The following CCL17 variants were observed in gnomAD, a reference collection of about 807,000 sequenced individuals.
CCL17 encodes the protein C-C motif chemokine ligand 17.
A neutral mutation model predicts 7.4 loss-of-function variants in CCL17; 8 were observed. The observed-to-expected ratio is 1.09, with a 90% CI of 0.64 to 1.96. The LOEUF (loss-of-function observed/expected upper bound fraction) is 1.96. Among genes scored for constraint, CCL17 ranks in the 30% most tolerant of loss-of-function variants. CCL17 has a pLI of 0.00. For synonymous variants in CCL17, 40 were observed against 46.1 expected (o/e 0.87, Z 0.54); for missense variants, 102 against 113.0 (o/e 0.90, Z 0.44).
intron 1 of CCL17, among the ~76,000 whole-genome samples, chr16:57,407,172 T>C (rs1177183050): frequency 2.0e-5 from 3 of 151,996 alleles, no homozygotes; most frequent in East Asian, 1.9e-4. Context: ...CAGGATCATG[T>C]TGTCAGCAGA....
chr16:57,405,571 G>C (rs1177472076), intron 1 of CCL17, among the ~76,000 whole-genome samples: 1 of 152,160 alleles, frequency 6.6e-6, no homozygotes, highest in African/African-American at 2.4e-5. Flanking sequence ...ACAGACTTCT[G>C]CTTCCCAGCA....
Position 57,413,976 on chromosome 16 carries a change from G to C in CCL17, c.44G>C (p.Gly15Ala). ...KMLALVTLLL[G>A]ASLQHIHAAR... ...CTGGCCCTGGTCACCCTCCTCCTGG[G>C]GGCTTCTCTGCAGCACATCCACGCA... The change falls in exon 2 of 4, where the codon GGG becomes GCG. Residue 15 changes from glycine (G) to alanine (A), a missense_variant. By Grantham distance (60) the Gly-to-Ala change is moderately conservative (BLOSUM62 0). Transcript: ENST00000219244. 1 of 1,611,576 alleles carries C rather than the reference G, an allele frequency of 6.2e-7. No homozygotes were observed. Among genetic ancestry groups the C allele is most frequent in the Non-Finnish European group, 8.5e-7 (1 of 1,179,078 alleles).
At chr16:57,399,428 T>C in the CCL17 span, among the ~76,000 whole-genome samples, 1 of 152,096 alleles carries the variant, frequency 6.6e-6, no homozygotes, top group African/African-American at 2.4e-5. Context: ...CAATAAGACA[T>C]TGACCTTCTT....
chr16:57,409,242 G>A (rs1902747210), intron 1 of CCL17, among the ~76,000 whole-genome samples: 1 of 152,212 alleles, frequency 6.6e-6, no homozygotes, highest in Admixed American at 6.5e-5. Context: ...AAGAGTAGGA[G>A]TGAAAGGAAG....
the CCL17 span, among the ~76,000 whole-genome samples, chr16:57,399,594 G>T: frequency 6.6e-6 from 1 of 152,134 alleles, no homozygotes; most frequent in South Asian, 2.1e-4. Context: ...GGGACTACAG[G>T]TGTGTGCCAC....
the CCL17 span, among the ~76,000 whole-genome samples, chr16:57,398,777 C>T: frequency 1.3e-5 from 2 of 152,184 alleles, no homozygotes; most frequent in Admixed American, 6.5e-5. Flanking sequence ...TCTAGAGTAG[C>T]CTGCTGGCAT....
intron 1 of CCL17, among the ~76,000 whole-genome samples, chr16:57,411,822 C>A (rs776063746): frequency 9.2e-5 from 14 of 152,252 alleles, no homozygotes; most frequent in Non-Finnish European, 1.8e-4. Flanking sequence ...CCCTGCCCAG[C>A]GCGGCCTCCT....
chr16:57,410,906 G>A (rs988048778), intron 1 of CCL17, among the ~76,000 whole-genome samples: 14 of 152,146 alleles, frequency 9.2e-5, no homozygotes, highest in African/African-American at 2.7e-4. Context: ...GGATGCCCAC[G>A]GCGCGGGGCA....
chr16:57,413,235 G>A (rs143828725), intron 1 of CCL17, among the ~76,000 whole-genome samples: 1 of 152,296 alleles, frequency 6.6e-6, no homozygotes, highest in East Asian at 1.9e-4. Context: ...CTGTGGTCAG[G>A]GCCTCACCTG....
chr16:57,408,451 G>A (rs954538601), intron 1 of CCL17, among the ~76,000 whole-genome samples: 8 of 151,982 alleles, frequency 5.3e-5, no homozygotes, highest in African/African-American at 1.7e-4. Context: ...TCACTCTGTC[G>A]CCCAGGCTGG....
chr16:57,403,213 A>T (rs1375938279), upstream of CCL17, among the ~76,000 whole-genome samples: 27 of 7,656 alleles, frequency 3.5e-3, no homozygotes, highest in African/African-American at 0.019. Context: ...TAATATATAT[A>T]ATATATATTA....
At chr16:57,409,994 C>T (rs1381430036) in intron 1 of CCL17, among the ~76,000 whole-genome samples, 1 of 152,204 alleles carries the variant, frequency 6.6e-6, no homozygotes, top group Non-Finnish European at 1.5e-5. Flanking sequence ...TCGGGCAAGT[C>T]ACTGCCCTGA....
chr16:57,407,317 A>T (rs546951492), intron 1 of CCL17, among the ~76,000 whole-genome samples: 43 of 152,336 alleles, frequency 2.8e-4, no homozygotes, highest in Non-Finnish European at 4.9e-4. Context: ...TTGGCAAAAA[A>T]TGGCCACAAC....
rs1902856827 is a variant in CCL17 at position 57,415,647 on chromosome 16, G to C, written c.189-118G>C. On this transcript the variant is annotated intron_variant, in intron 3 of 3. Coordinates refer to ENST00000219244, the MANE Select transcript of CCL17 (RefSeq NM_002987.3). This position sits in a 1 kb window ranked among gnomAD's most constrained non-coding sequence, Gnocchi z 4.5. ...GCCACCAATGCCCTGTGTGACAGCA[G>C]CAACTTCCTGCCCCTCTTGGAGCCT... 2 of 681,810 alleles carry C rather than the reference G, an allele frequency of 2.9e-6. No individual in the cohort carries two copies. The highest frequency in any genetic ancestry group is 2.7e-5 in the East Asian group (1 of 37,320). The allele number at this position is 681,810 out of a possible 1,614,324, so 42.2% of individuals were successfully genotyped here.
chr16:57,403,510 A>T (rs1226207080), upstream of CCL17, among the ~76,000 whole-genome samples: 2 of 29,102 alleles, frequency 6.9e-5, no homozygotes, highest in African/African-American at 4.7e-4. Context: ...TAATATATAT[A>T]TTATATTATA....
chr16:57,413,850 AC>A, intron 1 of CCL17, 23 bp from the exon 2 acceptor site: 1 of 1,249,696 alleles, frequency 8.0e-7, no homozygotes, highest in Non-Finnish European at 1.1e-6. Flanking sequence ...TAAATAGGTC[AC>A]TGCCACCCTC....
intron 1 of CCL17, among the ~76,000 whole-genome samples, chr16:57,409,969 C>T (rs1902757807): frequency 6.6e-6 from 1 of 152,208 alleles, no homozygotes; most frequent in Non-Finnish European, 1.5e-5. Context: ...CCTTACTGAG[C>T]TGCTCCGGGA....
chr16:57,401,050 C>T (rs1567560140), upstream of CCL17, among the ~76,000 whole-genome samples: 1 of 146,318 alleles, frequency 6.8e-6, no homozygotes, highest in South Asian at 2.1e-4. Context: ...CACCCTTCTT[C>T]TTCTTCTTCT....
intron 1 of CCL17, among the ~76,000 whole-genome samples, chr16:57,411,301 C>A (rs1350499921): frequency 6.6e-6 from 1 of 152,198 alleles, no homozygotes; most frequent in Non-Finnish European, 1.5e-5. Context: ...CGCCCTGCAG[C>A]CCTGGGCACA....
Sources: allele counts gnomAD v4.1 joint callset (sites outside exome capture counted in the v4.1 genomes callset), GRCh38; gene constraint gnomAD v4.1.1; non-coding constraint Gnocchi (gnomAD v3.1); transcripts MANE v1.5; gene names NCBI Gene and HGNC (gene_info 2026-07-23, HGNC 2026-07-21).